Variants in SNED1 observed in about 807,000 individuals in gnomAD.
SNED1 encodes sushi, nidogen and EGF-like domain-containing protein 1.
In SNED1, 81 loss-of-function variants were observed where a neutral mutation model predicts 166.7. That is an observed-to-expected ratio of 0.49 (90% CI 0.41 to 0.58). The LOEUF is 0.58. Ranked by LOEUF, SNED1 falls within the 20% of genes least tolerant of loss-of-function variation. The probability of loss-of-function intolerance (pLI) is 0.00; values close to 1 mark genes in which losing one functional copy is unlikely to be tolerated. For missense variants in SNED1, 1,604 were observed against 2,000.2 expected, an observed-to-expected ratio of 0.80 and a Z score of 3.78; for synonymous variants, 762 against 822.0, an observed-to-expected ratio of 0.93 and a Z score of 1.25.
At chr2:241,009,837 CG>C (rs2060333086) in intron 1 of SNED1, among the ~76,000 whole-genome samples, 1 of 152,204 alleles carries the variant, frequency 6.6e-6, no homozygotes, top group Non-Finnish European at 1.5e-5. Flanking sequence ...TGTGTTTCCC[CG>C]GAGGCCTAGC....
chr2:241,066,940 AG>A (rs1246105080), intron 21 of SNED1, among the ~76,000 whole-genome samples: 2 of 152,210 alleles, frequency 1.3e-5, no homozygotes, highest in Non-Finnish European at 2.9e-5. Context: ...AAGGACACAG[AG>A]CACACCTCGG....
At position 241,051,310 on chromosome 2, in the gene SNED1, C is replaced by T. The variant is rs7609450; in HGVS notation, c.1736-434C>T. 39,808 of 162,468 alleles carry T rather than the reference C, an allele frequency of 0.25. 5,297 individuals are homozygous for T. Among genetic ancestry groups the T allele is most frequent in the Middle Eastern group, 0.34 (119 of 346 alleles). The allele number at this position is 162,468 out of a possible 1,614,324, so 10.1% of individuals were successfully genotyped here. On this transcript the variant is annotated intron_variant, in intron 12 of 31. Transcript: ENST00000310397. This position sits in a 1 kb window ranked among gnomAD's most constrained non-coding sequence, Gnocchi z 4.7. ...AGGACCCAGGGAAAATGTGGCAATG[C>T]CAATGCAGGTACAGAACACACAGAA...
chr2:241,001,900 A>G (rs1347783523), intron 1 of SNED1, among the ~76,000 whole-genome samples: 9 of 152,114 alleles, frequency 5.9e-5, no homozygotes, highest in South Asian at 2.1e-4. Context: ...CGCAGGCAAG[A>G]AGGAGGAATG....
chr2:241,049,308 TCTC>T (rs925498613), intron 11 of SNED1, among the ~76,000 whole-genome samples, 173 bp downstream of exon 11: 4 of 152,030 alleles, frequency 2.6e-5, no homozygotes, highest in Non-Finnish European at 4.4e-5. Context: ...GGGCTAGACA[TCTC>T]CTCTTCCCCA....
chr2:241,087,455 C>A lies in SNED1; in HGVS notation c.4185C>A (p.Ser1395Arg). Residue 1395 changes from serine to arginine, a missense_variant, in exon 30 of 32, where the codon AGC (serine) becomes AGA (arginine). Physicochemically the swap from Ser to Arg is moderately radical, Grantham distance 110 (BLOSUM62 -1). Transcript: ENST00000310397. ...TCAAAGAGAGCTGTGAAAGCACAAG[C>A]CTCAAGAAGACCCCAAACAGGTGCC... ...ICFKESCEST[S>R]LKKTPNRKQS... The A allele has an allele frequency of 6.2e-7, 1 of 1,603,246 alleles. No individual in the cohort carries two copies. Among genetic ancestry groups the A allele is most frequent in the Non-Finnish European group, 8.5e-7 (1 of 1,174,816 alleles).
At chr2:241,053,511 A>T (rs191904283) in intron 16 of SNED1, among the ~76,000 whole-genome samples, 185 bp downstream of exon 16, 6 of 152,348 alleles carry the variant, frequency 3.9e-5, no homozygotes, top group Admixed American at 3.9e-4. Context: ...TGATGATCAC[A>T]GTCAACTTTG....
chr2:240,999,096 T>G lies in SNED1; in HGVS notation c.213+46T>G. 8.7e-7 allele frequency: 1 copy of G among 1,147,336 alleles called. No homozygotes were observed. Among genetic ancestry groups the G allele is most frequent in the Non-Finnish European group, 1.1e-6 (1 of 911,402 alleles). The allele number at this position is 1,147,336 out of a possible 1,614,324, so 71.1% of individuals were successfully genotyped here. On this transcript the variant is annotated intron_variant, in intron 1 of 31. Transcript: ENST00000310397. The surrounding 1 kb of genome is among the most constrained non-coding windows in gnomAD (Gnocchi z 5.8). ...CGGGGCGCCCGGGAGGGGAGGGAGC[T>G]GCGCCCCGGCCGCTGCCCGCCGGGC...
At chr2:241,048,639 G>A (rs374841862) in intron 9 of SNED1, 23 bp from the exon 10 acceptor site, 2 of 1,586,198 alleles carry the variant, frequency 1.3e-6, no homozygotes, top group Non-Finnish European at 1.7e-6. Flanking sequence ...CACATGGGAG[G>A]CTCCTCCCTC....
At chr2:241,054,045 C>T (rs1299892080) in intron 16 of SNED1, among the ~76,000 whole-genome samples, 3 of 152,184 alleles carry the variant, frequency 2.0e-5, no homozygotes, top group Non-Finnish European at 2.9e-5. Flanking sequence ...CCACATGCCC[C>T]GCAAAGCCAA....
chr2:241,052,371 C>T lies in SNED1; in HGVS notation c.1986C>T (p.Phe662=). 5.7e-6 allele frequency: 9 copies of T among 1,578,522 alleles called. No homozygotes were observed. Among genetic ancestry groups the T allele is most frequent in the Non-Finnish European group, 7.8e-6 (9 of 1,161,188 alleles). Residue 662 remains phenylalanine (F), a synonymous_variant, in exon 15 of 32, where the codon TTC becomes TTT. Coordinates refer to ENST00000310397, the MANE Select transcript of SNED1 (RefSeq NM_001080437.3). Reference sequence around the variant, plus strand: ...TTCTGGCAGCCCCCTCCCCCTGCTTCCGGAGCCCGTGTGTGAATGGGGGCA... The same window carrying T: ...TTCTGGCAGCCCCCTCCCCCTGCTTTCGGAGCCCGTGTGTGAATGGGGGCA... ...RHCEIAPSPC[F]RSPCVNGGTC... is the part of the protein sequence containing the mutation.
intron 17 of SNED1, 41 bp downstream of exon 17, chr2:241,062,945 A>G: frequency 7.5e-7 from 1 of 1,324,532 alleles, no homozygotes. Context: ...CAGCTGCAGC[A>G]CACTGGCCAT....
chr2:241,071,924 C>T (rs957106291), intron 26 of SNED1, 46 bp downstream of exon 26: 8 of 1,431,704 alleles, frequency 5.6e-6, no homozygotes, highest in Non-Finnish European at 7.7e-6. Context: ...CCACCCTCGT[C>T]CTCACTGCCA....
At chr2:241,078,312 G>A (rs943574010) in intron 27 of SNED1, among the ~76,000 whole-genome samples, 2 of 150,888 alleles carry the variant, frequency 1.3e-5, no homozygotes, top group Non-Finnish European at 2.9e-5. Context: ...GAACCCGGGA[G>A]GTGGAGTTTG....
intron 8 of SNED1, among the ~76,000 whole-genome samples, chr2:241,043,604 T>C (rs1055982429): frequency 6.6e-6 from 1 of 152,132 alleles, no homozygotes; most frequent in Admixed American, 6.5e-5. Context: ...ATGATAAATA[T>C]GTGGGTTGAA....
rs868535532 is a variant in SNED1 at position 241,058,225 on chromosome 2, G to A, written c.2258-4566G>A. ...GTGTCTCTCAATGATAATTGGTTCC[G>A]TTCACGAAGAAGATACAATTATTAT... On this transcript the variant is annotated intron_variant, in intron 16 of 31. Coordinates refer to ENST00000310397, the MANE Select transcript of SNED1 (RefSeq NM_001080437.3). Among the ~76,000 whole-genome samples, 15 of 152,122 alleles carry A rather than the reference G, an allele frequency of 9.9e-5. 1 individual carries two copies. Among genetic ancestry groups the A allele is most frequent in the Admixed American group, 5.2e-4 (8 of 15,276 alleles).
intron 16 of SNED1, among the ~76,000 whole-genome samples, chr2:241,054,171 C>T (rs1042823859): frequency 1.6e-4 from 24 of 152,078 alleles, no homozygotes; most frequent in African/African-American, 5.1e-4. Flanking sequence ...TGGAGATGAC[C>T]CCCCCTCCCA....
At chr2:241,090,179 C>A in intron 31 of SNED1, 1 of 1,464,182 alleles carries the variant, frequency 6.8e-7, no homozygotes, top group South Asian at 1.4e-5. Flanking sequence ...GTTTTCTGTC[C>A]TTAGTGCTTT....
rs1575029375 is a variant in SNED1 at position 241,063,847 on chromosome 2, T to C, written c.2485+147T>C. The C allele has an allele frequency of 3.8e-5, 24 of 639,954 alleles. 2 individuals carry two copies. In the South Asian group the frequency reaches 4.5e-4, roughly 12 times the overall value. The allele number at this position is 639,954 out of a possible 1,614,324, so 39.6% of individuals were successfully genotyped here. A position where few individuals can be genotyped will look rare whatever the true frequency, so the allele number is the denominator to read the frequency against. On this transcript the variant is annotated intron_variant, in intron 18 of 31. Coordinates refer to ENST00000310397, the MANE Select transcript of SNED1 (RefSeq NM_001080437.3). The stretch of plus-strand genomic sequence containing the variant: ...CTGCGGCCACCTTGGGAGGGAGGGG[T>C]GGAGGTGAGGGTGCTGGGGAGGGCT...
In SNED1 at chr2:241,071,417, G is replaced by A; in HGVS notation, c.3590-159G>A. ...CTGGAAGGGAACCCAGGGCATCTGG[G>A]GAAGCCACAAGCACCTTGGATGACC... On this transcript the variant is annotated intron_variant, in intron 24 of 31. Transcript: ENST00000310397. 3 of 778,898 alleles carry A rather than the reference G, an allele frequency of 3.9e-6. No homozygotes were observed. The South Asian group carries it at 5.1e-5, about 13-fold the overall frequency. 48.2% of individuals were successfully genotyped at this position (778,898 alleles called of 1,614,324 possible). A position where few individuals can be genotyped will look rare whatever the true frequency, so the allele number is the denominator to read the frequency against.
Sources: gnomAD v4.1 joint callset for allele counts (sites outside exome capture counted in the v4.1 genomes callset) on GRCh38, gnomAD v4.1.1 for gene constraint, Gnocchi (gnomAD v3.1) non-coding constraint, MANE v1.5 for transcripts, NCBI Gene and HGNC (gene_info 2026-07-23, HGNC 2026-07-21) for gene names.